Variants in VRK2 observed in about 807,000 individuals in gnomAD.
VRK2 encodes serine/threonine-protein kinase VRK2.
VRK2 carries 60 observed loss-of-function variants against 57.6 expected under a neutral mutation model. The ratio of observed to expected loss-of-function variants is 1.04; its 90% CI spans 0.85 to 1.29. The LOEUF (loss-of-function observed/expected upper bound fraction) is 1.29. Among genes scored for constraint, VRK2 ranks in the 50% most tolerant of loss-of-function variants. The pLI is 0.00. For missense variants in VRK2, 705 were observed against 588.1 expected, an observed-to-expected ratio of 1.20 and a Z score of -2.06; for synonymous variants, 231 against 199.2, an observed-to-expected ratio of 1.16 and a Z score of -1.35.
At chr2:57,985,431 C>A (rs1332555923) in intron 1 of VRK2, among the ~76,000 whole-genome samples, 1 of 151,964 alleles carries the variant, frequency 6.6e-6, no homozygotes, top group East Asian at 1.9e-4. Flanking sequence ...CGTTAATATT[C>A]TCCTCTAATT....
intron 1 of VRK2, among the ~76,000 whole-genome samples, chr2:57,917,371 T>A (rs1197041694): frequency 6.6e-6 from 1 of 151,862 alleles, no homozygotes; most frequent in Non-Finnish European, 1.5e-5. Flanking sequence ...TAAATTCAGA[T>A]GACCCAAATT....
intron 2 of VRK2, among the ~76,000 whole-genome samples, chr2:58,059,399 T>C (rs1180770656): frequency 2.0e-5 from 3 of 152,010 alleles, no homozygotes; most frequent in African/African-American, 7.2e-5. Context: ...CTCTGTGATA[T>C]GATTTTAATA....
intron 12 of VRK2, among the ~76,000 whole-genome samples, chr2:58,156,265 T>C (rs1168906765): frequency 6.6e-6 from 1 of 152,174 alleles, no homozygotes. Flanking sequence ...GTTATTCTTA[T>C]TGGCCCATTT....
At chr2:58,140,496 C>T (rs1255708173) in intron 11 of VRK2, among the ~76,000 whole-genome samples, 3 of 151,898 alleles carry the variant, frequency 2.0e-5, no homozygotes, top group Admixed American at 1.3e-4. Flanking sequence ...GACCACTATC[C>T]GTATGCACAA....
intron 1 of VRK2, chr2:58,047,207 C>T: frequency 7.9e-6 from 2 of 252,424 alleles, no homozygotes; most frequent in South Asian, 1.5e-4. Flanking sequence ...CCGTAGGTCC[C>T]CGGCGTGCTA....
chr2:58,136,904 CATATATATATCAT>C (rs1392338019), intron 10 of VRK2, among the ~76,000 whole-genome samples: 10 of 12,874 alleles, frequency 7.8e-4, no homozygotes, highest in African/African-American at 3.2e-3. Context: ...GTATATATAT[CATATATATATCAT>C]ATATGTGTAT....
chr2:58,069,480 G>A (rs1447283080), intron 2 of VRK2, among the ~76,000 whole-genome samples: 1 of 152,052 alleles, frequency 6.6e-6, no homozygotes, highest in African/African-American at 2.4e-5. Context: ...TCCTTTTTAG[G>A]TTCTCTGACC....
At chr2:58,033,651 T>C (rs1033130730) in intron 3 of VRK2, 2 of 152,076 alleles carry the variant, frequency 1.3e-5, no homozygotes, top group African/African-American at 4.8e-5. Context: ...GTTTCATAAG[T>C]AAAAATATCC....
chr2:58,075,257 G>T (rs1483476814), intron 2 of VRK2, among the ~76,000 whole-genome samples: 1 of 152,116 alleles, frequency 6.6e-6, no homozygotes, highest in African/African-American at 2.4e-5. Context: ...GTATTCCGTA[G>T]TGTATATGTA....
At chr2:57,969,353 T>C (rs1672021708) in intron 1 of VRK2, among the ~76,000 whole-genome samples, 1 of 152,020 alleles carries the variant, frequency 6.6e-6, no homozygotes, top group African/African-American at 2.4e-5. Context: ...AAAAATGGTT[T>C]TGGAAATCAA....
rs190915357 is a variant in VRK2, at chr2:58,145,781, C to G, written c.1024-535C>G. Among the ~76,000 whole-genome samples, 715 of 152,072 alleles carry G rather than the reference C, an allele frequency of 4.7e-3. 6 individuals carry two copies. The highest frequency in any genetic ancestry group is 7.9e-3 in the Non-Finnish European group (536 of 67,948). ...TAATGCTATCCCTCCTCCCTTCCCC[C>G]ACCCCATGACAGGCCCCAGTGTGTG... On this transcript the variant is annotated intron_variant, in intron 11 of 12. Transcript: ENST00000340157.
chr2:57,920,595 C>T (rs114877609), intron 1 of VRK2, among the ~76,000 whole-genome samples: 2 of 152,122 alleles, frequency 1.3e-5, no homozygotes, highest in African/African-American at 4.8e-5. Flanking sequence ...AGTTGAGTAT[C>T]GGTGACCATA....
chr2:57,990,787 C>T (rs1398259965), intron 1 of VRK2, among the ~76,000 whole-genome samples: 4 of 152,110 alleles, frequency 2.6e-5, no homozygotes, highest in African/African-American at 9.7e-5. Context: ...TAGCTGTTCA[C>T]ATGGGAAAAG....
upstream of VRK2, among the ~76,000 whole-genome samples, chr2:58,045,566 A>G (rs1674678872): frequency 6.6e-6 from 1 of 152,230 alleles, no homozygotes; most frequent in Non-Finnish European, 1.5e-5. Context: ...GTGAATGACT[A>G]AGGGCACAAT....
At chr2:58,135,115 T>C (rs1235335536) in intron 9 of VRK2, 26 bp from the exon 10 acceptor site, 17 of 1,612,448 alleles carry the variant, frequency 1.1e-5, no homozygotes, top group Non-Finnish European at 1.4e-5. Context: ...AACATGTTCA[T>C]TGTGCATTAC....
chr2:58,047,085 C>G (rs750111777), intron 1 of VRK2: 79 of 664,040 alleles, frequency 1.2e-4, no homozygotes, highest in Non-Finnish European at 1.4e-4. Context: ...GCGTCCCCTT[C>G]TACTCACGTT....
At chr2:57,992,319 T>C (rs1175669575) in intron 1 of VRK2, among the ~76,000 whole-genome samples, 29 of 152,140 alleles carry the variant, frequency 1.9e-4, no homozygotes, top group Admixed American at 1.9e-3. Context: ...CATCTCTAAT[T>C]TTGAAAGCCT....
At chr2:58,018,785 C>T (rs754835670) in intron 1 of VRK2, among the ~76,000 whole-genome samples, 1 of 152,084 alleles carries the variant, frequency 6.6e-6, no homozygotes, top group East Asian at 1.9e-4. Flanking sequence ...GCACACCTGA[C>T]CACTTCCAAT....
upstream of VRK2, among the ~76,000 whole-genome samples, chr2:58,043,829 C>G (rs945652068): frequency 6.6e-6 from 1 of 152,160 alleles, no homozygotes; most frequent in African/African-American, 2.4e-5. Context: ...GTGGCTGTAC[C>G]ATCAACAGCA....
Sources: allele counts gnomAD v4.1 joint callset (sites outside exome capture counted in the v4.1 genomes callset), GRCh38; gene constraint gnomAD v4.1.1; transcripts MANE v1.5; gene names NCBI Gene and HGNC (gene_info 2026-07-23, HGNC 2026-07-21).